NFIB: variants seen among roughly 807,000 people sequenced by gnomAD.
NFIB encodes nuclear factor 1 B-type.
In NFIB, 11 loss-of-function variants were observed where a neutral mutation model predicts 61.5. The observed-to-expected ratio is 0.18, with a 90% CI of 0.11 to 0.30. The LOEUF is 0.30. NFIB is among the 10% of genes least tolerant of loss of function. The pLI is 1.00. For missense variants in NFIB, 471 were observed against 608.9 expected (o/e 0.77, Z 2.38); for synonymous variants, 260 against 216.5 (o/e 1.20, Z -1.76).
intron 4 of NFIB, among the ~76,000 whole-genome samples, chr9:14,153,787 G>A (rs1475252777): frequency 1.3e-5 from 2 of 152,050 alleles, no homozygotes; most frequent in Non-Finnish European, 2.9e-5. Context: ...TGAAGTTTAT[G>A]TTTACTTAGC....
At chr9:14,208,331 G>C (rs1279557008) in intron 2 of NFIB, among the ~76,000 whole-genome samples, 2 of 151,962 alleles carry the variant, frequency 1.3e-5, no homozygotes, top group African/African-American at 2.4e-5. Flanking sequence ...CCGACATCAA[G>C]GTTAAATTGT....
chr9:14,396,547 G>GA (rs139408452), intron 1 of NFIB, among the ~76,000 whole-genome samples: 3,379 of 148,580 alleles, frequency 0.023, 91 homozygotes, highest in African/African-American at 0.075. Flanking sequence ...GGGCTTTGGG[G>GA]AAAAAAAAAC....
At chr9:14,225,249 A>T (rs190843156) in intron 2 of NFIB, among the ~76,000 whole-genome samples, 238 of 152,044 alleles carry the variant, frequency 1.6e-3, no homozygotes, top group African/African-American at 5.5e-3. Flanking sequence ...AGAATGCTAT[A>T]AAAAAATATA....
intron 2 of NFIB, among the ~76,000 whole-genome samples, chr9:14,206,117 CAG>C (rs2049666324): frequency 6.6e-6 from 1 of 151,736 alleles, no homozygotes; most frequent in Non-Finnish European, 1.5e-5. Flanking sequence ...ACAGGTGAAA[CAG>C]AGTGGTTGTG....
chr9:14,335,899 A>G (rs751465097), intron 1 of NFIB, among the ~76,000 whole-genome samples: 5 of 152,208 alleles, frequency 3.3e-5, no homozygotes, highest in Non-Finnish European at 5.9e-5. Context: ...TGGATATTTA[A>G]TTGTTCCAAC....
the NFIB span, among the ~76,000 whole-genome samples, chr9:14,506,335 C>A: frequency 6.6e-6 from 1 of 152,078 alleles, no homozygotes; most frequent in Non-Finnish European, 1.5e-5. Context: ...CTGCCATGCA[C>A]CAAACATGCT....
chr9:14,194,441 A>G (rs535766415), intron 2 of NFIB, among the ~76,000 whole-genome samples: 2 of 152,306 alleles, frequency 1.3e-5, no homozygotes, highest in African/African-American at 2.4e-5. Flanking sequence ...TGGCAGGTAG[A>G]ATGGGTGGGA....
intron 2 of NFIB, chr9:14,204,920 TACA>T (rs1341084680): frequency 2.8e-6 from 1 of 356,978 alleles, no homozygotes; most frequent in African/African-American, 2.1e-5. Flanking sequence ...CAGAACCAAT[TACA>T]ACGACAGAGC....
rs977127818 is a variant in NFIB, at chr9:14,204,596, C to G, written c.563-24816G>C. The stretch of plus-strand genomic sequence containing the variant: ...AGAGAAGAAGCAGAGGCTGTTGGCC[C>G]GGGCGGAGAAGAAAGCGCCGGCAAA... On this transcript the variant is annotated intron_variant, in intron 2 of 10. Transcript: ENST00000380953. 614 of 1,070,652 alleles carry G rather than the reference C, an allele frequency of 5.7e-4. 7 individuals carry two copies. Among genetic ancestry groups the G allele is most frequent in the Middle Eastern group, 8.8e-4 (3 of 3,410 alleles). 66.3% of individuals were successfully genotyped at this position (1,070,652 alleles called of 1,614,324 possible).
At chr9:14,240,626 G>C (rs944663170) in intron 2 of NFIB, among the ~76,000 whole-genome samples, 12 of 152,178 alleles carry the variant, frequency 7.9e-5, no homozygotes, top group African/African-American at 2.7e-4. Context: ...CAAAAGTAAA[G>C]TTAAAAGCAA....
In NFIB at chr9:14,371,694, G is replaced by A. The variant is rs1335457913; in HGVS notation, c.108+26830C>T. Among the ~76,000 whole-genome samples the A allele has an allele frequency of 2.0e-5, 3 of 152,140 alleles. No homozygotes were observed. The East Asian group carries it at 5.8e-4, about 29-fold the overall frequency. ...TTTCCCTTGAGAAATCAGAAGATCT[G>A]GCCACAGGAGTGGCCATTCCTATTC... On this transcript the variant is annotated intron_variant, in intron 1 of 8. Transcript: ENST00000380934.
intron 2 of NFIB, among the ~76,000 whole-genome samples, chr9:14,186,851 G>T (rs1020480854): frequency 2.6e-5 from 4 of 151,912 alleles, no homozygotes; most frequent in Admixed American, 6.6e-5. Flanking sequence ...CAAAATTATA[G>T]TTCTACATTA....
the NFIB span, among the ~76,000 whole-genome samples, chr9:14,496,459 A>AT: frequency 2.0e-5 from 3 of 152,148 alleles, no homozygotes; most frequent in Admixed American, 2.0e-4. Context: ...TGGATTTCAG[A>AT]TTTTCAGATT....
the NFIB span, among the ~76,000 whole-genome samples, chr9:14,495,885 G>T: frequency 6.6e-6 from 1 of 152,320 alleles, no homozygotes; most frequent in Middle Eastern, 3.4e-3. Flanking sequence ...ATGGTTTAGT[G>T]ACTAAGGTTC....
chr9:14,458,917 A>C, the NFIB span, among the ~76,000 whole-genome samples: 3 of 152,136 alleles, frequency 2.0e-5, no homozygotes, highest in East Asian at 5.8e-4. Context: ...AGGAAGAATC[A>C]ATATCGTGAA....
At chr9:14,122,854 T>C (rs554828163) in intron 7 of NFIB, among the ~76,000 whole-genome samples, 1 of 152,318 alleles carries the variant, frequency 6.6e-6, no homozygotes, top group African/African-American at 2.4e-5. Context: ...TGTGCTTGCA[T>C]GAGCTGTAGG....
At chr9:14,352,497 T>G (rs1291592506) in intron 1 of NFIB, among the ~76,000 whole-genome samples, 1 of 152,226 alleles carries the variant, frequency 6.6e-6, no homozygotes, top group Non-Finnish European at 1.5e-5. Flanking sequence ...GCACTGTTCC[T>G]CCTGCCCCTG....
intron 1 of NFIB, among the ~76,000 whole-genome samples, chr9:14,334,167 G>T (rs942323176): frequency 2.6e-5 from 4 of 152,182 alleles, no homozygotes; most frequent in Non-Finnish European, 5.9e-5. Context: ...AAATAATGGA[G>T]ATATGAACAT....
intron 1 of NFIB, among the ~76,000 whole-genome samples, chr9:14,368,046 A>T (rs1353473062): frequency 6.6e-6 from 1 of 152,120 alleles, no homozygotes; most frequent in Admixed American, 6.6e-5. Context: ...ACTTATGTAC[A>T]CCTATGTACA....
Sources: allele counts gnomAD v4.1 joint callset (sites outside exome capture counted in the v4.1 genomes callset), GRCh38; gene constraint gnomAD v4.1.1; transcripts MANE v1.5; gene names NCBI Gene and HGNC (gene_info 2026-07-23, HGNC 2026-07-21).